PTGR1: variants seen among roughly 807,000 people sequenced by gnomAD.
PTGR1 encodes the protein prostaglandin reductase 1.
PTGR1 carries 23 observed loss-of-function variants against 37.7 expected under a neutral mutation model. The ratio of observed to expected loss-of-function variants is 0.61; its 90% CI spans 0.44 to 0.86. The LOEUF is 0.86. Ranked by LOEUF, PTGR1 falls within the 40% of genes least tolerant of loss-of-function variation. The pLI, the probability that PTGR1 is intolerant of heterozygous loss-of-function variation, is 0.00. For synonymous variants in PTGR1, 134 were observed against 140.0 expected (o/e 0.96, Z 0.30); for missense variants, 351 against 394.3 (o/e 0.89, Z 0.93).
At chr9:111,564,930 C>A (rs1423390075) in intron 9 of PTGR1, among the ~76,000 whole-genome samples, 2 of 151,922 alleles carry the variant, frequency 1.3e-5, no homozygotes, top group African/African-American at 4.8e-5. Flanking sequence ...TCGAGACCAG[C>A]CTGGCCAACA....
At chr9:111,588,849 C>T (rs982842208) in intron 4 of PTGR1, among the ~76,000 whole-genome samples, 10 of 151,956 alleles carry the variant, frequency 6.6e-5, no homozygotes, top group African/African-American at 2.4e-4. Flanking sequence ...TTTGTAGAGA[C>T]GGGGTTTACC....
At chr9:111,590,931 T>A (rs1829591710) in intron 4 of PTGR1, among the ~76,000 whole-genome samples, 1 of 143,256 alleles carries the variant, frequency 7.0e-6, no homozygotes, top group Non-Finnish European at 1.5e-5. Flanking sequence ...TCATATACTG[T>A]CAATGAAAGA....
At chr9:111,565,377 G>A (rs1183952894) in intron 9 of PTGR1, among the ~76,000 whole-genome samples, 1 of 152,190 alleles carries the variant, frequency 6.6e-6, no homozygotes, top group Non-Finnish European at 1.5e-5. Context: ...CACCCAGTCT[G>A]TGGTACTTTA....
At chr9:111,587,170 C>G (rs753588883) in intron 4 of PTGR1, among the ~76,000 whole-genome samples, 8 of 152,038 alleles carry the variant, frequency 5.3e-5, no homozygotes, top group Non-Finnish European at 1.0e-4. Flanking sequence ...CTCATTGGTT[C>G]CCAGGGTACT....
chr9:111,585,847 A>C, intron 5 of PTGR1, 151 bp downstream of exon 5: 5 of 790,486 alleles, frequency 6.3e-6, no homozygotes, highest in Non-Finnish European at 9.9e-6. Context: ...ACTTAGGTTG[A>C]TCTGCCATCT....
chr9:111,563,208 A>G lies in PTGR1; in HGVS notation c.903T>C (p.Tyr301=), dbSNP rs777442842. Residue 301 remains tyrosine, a synonymous_variant, in exon 10 of 10, where the codon TAT becomes TAC. Transcript: ENST00000407693. ...VLEGKIQYKE[Y]IIEGFENMPA... ...GCATGTTTTCAAATCCTTCAATGAT[A>G]TATTCCTTGTACTGGATTTTACCCT... The G allele has an allele frequency of 1.9e-6, 3 of 1,613,778 alleles. No individual in the cohort carries two copies. The highest frequency in any genetic ancestry group is 2.5e-6 in the Non-Finnish European group (3 of 1,179,866).
At chr9:111,566,591 A>G (rs1828572264) in intron 9 of PTGR1, among the ~76,000 whole-genome samples, 1 of 152,236 alleles carries the variant, frequency 6.6e-6, no homozygotes. Context: ...TTTGAAAATT[A>G]TCACAGCACA....
At position 111,574,766 on chromosome 9, in the gene PTGR1, G is replaced by A; in HGVS notation, c.728C>T (p.Ser243Phe). Residue 243 changes from serine to phenylalanine, a missense_variant, in exon 8 of 10, where the codon TCT (serine) becomes TTT (phenylalanine). Physicochemically the swap from Ser to Phe is radical, Grantham distance 155 (BLOSUM62 -2). Coordinates refer to ENST00000407693, the MANE Select transcript of PTGR1 (RefSeq NM_001146108.2). ...FGRIAICGAI[S>F]TYNRTGPLPP... Reference sequence around the variant, plus strand: ...AAGTGGGCCGGTTCTGTTATATGTAGAGATGGCTCCACATATGGCAATCCT... The same window carrying A: ...AAGTGGGCCGGTTCTGTTATATGTAAAGATGGCTCCACATATGGCAATCCT... 3 of 1,613,932 alleles carry A rather than the reference G, an allele frequency of 1.9e-6. No homozygotes were observed. Among genetic ancestry groups the A allele is most frequent in the Non-Finnish European group, 2.5e-6 (3 of 1,179,942 alleles).
intron 8 of PTGR1, among the ~76,000 whole-genome samples, chr9:111,572,828 C>T (rs892178322): frequency 8.7e-5 from 13 of 149,344 alleles, no homozygotes; most frequent in East Asian, 3.9e-4. Context: ...AGAGCAAGAC[C>T]TTGTCTCAAA....
chr9:111,576,300 A>G, intron 7 of PTGR1: 2 of 1,565,580 alleles, frequency 1.3e-6, no homozygotes, highest in South Asian at 1.1e-5. Flanking sequence ...ATTGTAAACT[A>G]CTTGCTAAAA....
chr9:111,559,735 G>A (rs570809834), downstream of PTGR1, among the ~76,000 whole-genome samples: 72 of 152,264 alleles, frequency 4.7e-4, no homozygotes, highest in African/African-American at 1.5e-3. Flanking sequence ...GTGGGCCATA[G>A]AGGTTCTCCC....
intron 1 of PTGR1, among the ~76,000 whole-genome samples, chr9:111,598,034 T>C (rs935314013): frequency 1.3e-5 from 2 of 152,034 alleles, no homozygotes; most frequent in Non-Finnish European, 2.9e-5. Flanking sequence ...TCTCTTTTCT[T>C]GTAGAGAGGA....
In PTGR1 at chr9:111,589,642, C is replaced by CTT. The variant is rs11324819; in HGVS notation, c.209+3282_209+3283dup. 1.8e-4 allele frequency among the ~76,000 whole-genome samples: 27 copies of CTT among 147,962 alleles called. No individual in the cohort carries two copies. In the East Asian group the frequency reaches 3.3e-3, roughly 18 times the overall value. On this transcript the variant is annotated intron_variant, in intron 4 of 9. Coordinates refer to ENST00000407693, the MANE Select transcript of PTGR1 (RefSeq NM_001146108.2). The stretch of plus-strand genomic sequence containing the variant: ...GTATAAAATACAGAAAACATGAATA[C>CTT]TTTTTTTTTTTTGAGATGGAGTCTC...
intron 9 of PTGR1, chr9:111,549,852 T>A (rs2132275840): frequency 8.6e-7 from 1 of 1,168,872 alleles, no homozygotes; most frequent in African/African-American, 1.5e-5. Context: ...AGGCAGTTGC[T>A]TTAAAGTCTG....
intron 9 of PTGR1, 21 bp downstream of exon 9, chr9:111,570,070 G>A (rs571327468): frequency 6.2e-7 from 1 of 1,613,774 alleles, no homozygotes; most frequent in South Asian, 1.1e-5. Context: ...AATTGGAAGG[G>A]GTGGCTCCGG....
downstream of PTGR1, among the ~76,000 whole-genome samples, chr9:111,559,343 T>A (rs1272338213): frequency 2.0e-5 from 3 of 152,142 alleles, no homozygotes; most frequent in East Asian, 5.8e-4. Flanking sequence ...CTTTGACTCC[T>A]CACACCAGGC....
chr9:111,566,125 C>A (rs1171909660), intron 9 of PTGR1, among the ~76,000 whole-genome samples: 2 of 152,110 alleles, frequency 1.3e-5, no homozygotes, highest in Admixed American at 6.6e-5. Flanking sequence ...ATCACTCGAA[C>A]CCAGGAAGTA....
In PTGR1 at chr9:111,594,851, C is replaced by CTTT. The variant is rs35698448; in HGVS notation, c.107-587_107-585dup. ...AAGCGTGAGCCACTGCGACCGGCCTCTTTTTTTTTTTTTTTTTTTTTGAGA... is the reference window on the plus strand; with the variant it reads ...AAGCGTGAGCCACTGCGACCGGCCTCTTTTTTTTTTTTTTTTTTTTTTTTGAGA... On this transcript the variant is annotated intron_variant, in intron 2 of 9. Coordinates refer to ENST00000407693, the MANE Select transcript of PTGR1 (RefSeq NM_001146108.2). Among the ~76,000 whole-genome samples the CTTT allele has an allele frequency of 2.1e-3, 204 of 95,652 alleles. 6 individuals are homozygous for CTTT. Among genetic ancestry groups the CTTT allele is most frequent in the East Asian group, 0.016 (46 of 2,826 alleles). The allele number at this position is 95,652 out of a possible 152,430, so 62.8% of individuals were successfully genotyped here. A position where few individuals can be genotyped will look rare whatever the true frequency, so the allele number is the denominator to read the frequency against.
At position 111,576,953 on chromosome 9, in the gene PTGR1, T is replaced by A. The variant is rs142000031; in HGVS notation, c.651+1843A>T. On this transcript the variant is annotated intron_variant, in intron 7 of 9. Transcript: ENST00000407693. The stretch of plus-strand genomic sequence containing the variant: ...TTAAAATACAAAAATTAGCTGGGCA[T>A]GGTGGTGCATGCCTGTAATCCCAGC... The A allele has an allele frequency of 7.3e-3, 1,111 of 152,472 alleles. 8 individuals carry two copies. The highest frequency in any genetic ancestry group is 0.012 in the Non-Finnish European group (785 of 68,228). 9.4% of individuals were successfully genotyped at this position (152,472 alleles called of 1,614,324 possible). A position where few individuals can be genotyped will look rare whatever the true frequency, so the allele number is the denominator to read the frequency against.
Sources: gnomAD v4.1 joint callset for allele counts (sites outside exome capture counted in the v4.1 genomes callset) on GRCh38, gnomAD v4.1.1 for gene constraint, MANE v1.5 for transcripts, NCBI Gene and HGNC (gene_info 2026-07-23, HGNC 2026-07-21) for gene names.